SDHB: variants seen among roughly 807,000 people sequenced by gnomAD.
SDHB encodes succinate dehydrogenase [ubiquinone] iron-sulfur subunit, mitochondrial.
In SDHB, 21 loss-of-function variants were observed where a neutral mutation model predicts 39.7. The ratio of observed to expected loss-of-function variants is 0.53; its 90% CI spans 0.37 to 0.76. SDHB has a LOEUF of 0.76. Among genes scored for constraint, SDHB ranks in the 30% least tolerant of loss-of-function variants. The pLI, the probability that SDHB is intolerant of heterozygous loss-of-function variation, is 0.00. For missense variants in SDHB, 343 were observed against 350.9 expected, an observed-to-expected ratio of 0.98 and a Z score of 0.18; for synonymous variants, 118 against 117.0, an observed-to-expected ratio of 1.01 and a Z score of -0.06.
At chr1:17,035,515 T>C (rs1023789612) in intron 2 of SDHB, among the ~76,000 whole-genome samples, 7 of 152,170 alleles carry the variant, frequency 4.6e-5, no homozygotes, top group Admixed American at 2.0e-4. Context: ...AACAACATCT[T>C]TGTTTTTTTT....
chr1:17,035,393 T>C (rs2078045513), intron 2 of SDHB, among the ~76,000 whole-genome samples: 1 of 152,206 alleles, frequency 6.6e-6, no homozygotes, highest in African/African-American at 2.4e-5. Context: ...TTATTTGTAA[T>C]ACCTTTCTCC....
In SDHB at chr1:17,054,030, G is replaced by A. The variant is rs1226296581; in HGVS notation, c.-11C>T. The A allele has an allele frequency of 2.5e-6, 4 of 1,604,504 alleles. No homozygotes were observed. In the Admixed American group the frequency reaches 5.0e-5, roughly 20 times the overall value. Reference sequence around the variant, plus strand: ...GACCACCGCCGCCATCTTGGCTCCTGACGTCAGCCCCACCCCTTAACCCCG... The same window carrying A: ...GACCACCGCCGCCATCTTGGCTCCTAACGTCAGCCCCACCCCTTAACCCCG... On this transcript the variant is annotated 5_prime_UTR_variant, in exon 1 of 8. Transcript: ENST00000375499.
chr1:17,047,939 C>T (rs1161785626), intron 1 of SDHB, among the ~76,000 whole-genome samples: 4 of 152,230 alleles, frequency 2.6e-5, no homozygotes, highest in Admixed American at 2.6e-4. Context: ...CTGGCCCTCC[C>T]GAAGAGTTGG....
intron 3 of SDHB, among the ~76,000 whole-genome samples, chr1:17,031,935 G>C (rs907189189): frequency 1.3e-5 from 2 of 152,062 alleles, no homozygotes; most frequent in African/African-American, 2.4e-5. Flanking sequence ...CCCTCTCTGG[G>C]CCTCACCTTT....
chr1:17,044,444 C>G (rs996343133), intron 2 of SDHB, among the ~76,000 whole-genome samples: 5 of 151,872 alleles, frequency 3.3e-5, no homozygotes, highest in Non-Finnish European at 1.5e-5. Context: ...TGTGCCCCAG[C>G]CTCCTGAGTG....
At chr1:17,026,103 C>T (rs2077989737) in intron 5 of SDHB, among the ~76,000 whole-genome samples, 1 of 152,214 alleles carries the variant, frequency 6.6e-6, no homozygotes, top group Admixed American at 6.5e-5. Context: ...CCTAATAATA[C>T]CACATCAGGG....
chr1:17,040,087 C>A (rs7517571), intron 2 of SDHB, among the ~76,000 whole-genome samples: 22,055 of 152,046 alleles, frequency 0.15, 2,352 homozygotes, highest in African/African-American at 0.3. Context: ...TTTTTCTGAA[C>A]GTGGAATTCC....
At chr1:17,045,238 C>A in intron 1 of SDHB, 1 of 305,014 alleles carries the variant, frequency 3.3e-6, no homozygotes, top group Non-Finnish European at 6.4e-6. Flanking sequence ...ACAGCAGAGA[C>A]TTCAATGAGT....
In SDHB at chr1:17,028,673, A is replaced by G. The variant is rs1553177755; in HGVS notation, c.350T>C (p.Ile117Thr). 2.5e-6 allele frequency: 4 copies of G among 1,614,054 alleles called. No individual in the cohort carries two copies. The highest frequency in any genetic ancestry group is 2.7e-5 in the African/African-American group (2 of 74,926). ...TGAGACCTTATTGAGGTTGGTGTCA[A>G]TCCTTCGGGTGCAAGCTAGAGTGTT... Reference protein sequence around the residue: ...GGNTLACTRRIDTNLNKVSKI... With the variant: ...GGNTLACTRRTDTNLNKVSKI... The change falls in exon 4 of 8, where the codon ATT becomes ACT. Residue 117 changes from isoleucine (I) to threonine (T), a missense_variant. Physicochemically the swap from Ile to Thr is moderately conservative, Grantham distance 89. Transcript: ENST00000375499.
chr1:17,042,938 G>GT (rs1322317135), intron 2 of SDHB, among the ~76,000 whole-genome samples: 2 of 117,922 alleles, frequency 1.7e-5, no homozygotes, highest in African/African-American at 5.5e-5. Flanking sequence ...AAGCAGTAGG[G>GT]TTTTTTGTTT....
chr1:17,039,932 G>T (rs2078071675), intron 2 of SDHB, among the ~76,000 whole-genome samples: 1 of 152,104 alleles, frequency 6.6e-6, no homozygotes, highest in South Asian at 2.1e-4. Flanking sequence ...TTTTCTAAGA[G>T]CCAAGTTTCC....
At position 17,020,422 on chromosome 1, in the gene SDHB, G is replaced by C. The variant is rs529703739; in HGVS notation, c.766-1464C>G. Among the ~76,000 whole-genome samples, 10 of 152,318 alleles carry C rather than the reference G, an allele frequency of 6.6e-5. No individual in the cohort carries two copies. In the South Asian group the frequency reaches 2.1e-3, roughly 32 times the overall value. ...GTTTTCAAGTCCCTTCCAGTTTCAT[G>C]ATCGGCCTATGTCTATGTCTCAGTC... is the stretch of plus-strand genomic sequence containing the variant. On this transcript the variant is annotated intron_variant, in intron 7 of 7. Transcript: ENST00000375499.
At chr1:17,044,924 A>G in intron 1 of SDHB, 36 bp from the exon 2 acceptor site, 1 of 1,598,224 alleles carries the variant, frequency 6.3e-7, no homozygotes, top group Non-Finnish European at 8.6e-7. Context: ...AGGAAAAAAA[A>G]ATTAGAAATA....
intron 1 of SDHB, among the ~76,000 whole-genome samples, chr1:17,051,546 T>C (rs2078147113): frequency 6.6e-6 from 1 of 152,214 alleles, no homozygotes; most frequent in Non-Finnish European, 1.5e-5. Context: ...AGGTGCAGGC[T>C]TGCTGAAAAG....
intron 1 of SDHB, among the ~76,000 whole-genome samples, chr1:17,047,494 T>C (rs1217370639): frequency 6.6e-6 from 1 of 151,818 alleles, no homozygotes; most frequent in African/African-American, 2.4e-5. Context: ...CCAGCCAACA[T>C]GGTGAAACCC....
intron 2 of SDHB, among the ~76,000 whole-genome samples, chr1:17,038,417 A>G (rs1304882372): frequency 2.0e-5 from 3 of 152,356 alleles, no homozygotes; most frequent in Middle Eastern, 3.4e-3. Flanking sequence ...TTGACCTTAC[A>G]TCCTGCAGCC....
chr1:17,030,864 T>G (rs542914619), intron 3 of SDHB, among the ~76,000 whole-genome samples: 3 of 152,024 alleles, frequency 2.0e-5, no homozygotes, highest in Non-Finnish European at 4.4e-5. Flanking sequence ...GTATTTTTAG[T>G]AGAGACGGGG....
intron 3 of SDHB, 42 bp downstream of exon 3, chr1:17,033,018 A>G (rs753601511): frequency 6.7e-7 from 1 of 1,501,588 alleles, no homozygotes; most frequent in Non-Finnish European, 9.3e-7. Flanking sequence ...CCTCTTTGGA[A>G]GACCACAAGT....
chr1:17,040,455 T>C (rs1203067904), intron 2 of SDHB, among the ~76,000 whole-genome samples: 2 of 152,128 alleles, frequency 1.3e-5, no homozygotes, highest in African/African-American at 4.8e-5. Flanking sequence ...GTGTGTTACA[T>C]CCATCCATCC....
Sources: allele counts gnomAD v4.1 joint callset (sites outside exome capture counted in the v4.1 genomes callset), GRCh38; gene constraint gnomAD v4.1.1; transcripts MANE v1.5; gene names NCBI Gene and HGNC (gene_info 2026-07-23, HGNC 2026-07-21).